Variants in AFF3 observed in about 807,000 individuals in gnomAD.
AFF3 encodes the protein AF4/FMR2 family member 3.
A neutral mutation model predicts 129.7 loss-of-function variants in AFF3; 32 were observed. That is an observed-to-expected ratio of 0.25 (90% CI 0.19 to 0.33). The LOEUF (loss-of-function observed/expected upper bound fraction) is 0.33, where lower values mean the gene tolerates loss of function less well. Among genes scored for constraint, AFF3 ranks in the 10% least tolerant of loss-of-function variants. The pLI, the probability that AFF3 is intolerant of heterozygous loss-of-function variation, is 1.00. For synonymous variants in AFF3, 644 were observed against 635.4 expected (o/e 1.01, Z -0.20); for missense variants, 1,373 against 1,592.0 (o/e 0.86, Z 2.34).
At chr2:100,111,117 A>G (rs1327635345) in intron 2 of AFF3, among the ~76,000 whole-genome samples, 1 of 152,144 alleles carries the variant, frequency 6.6e-6, no homozygotes, top group Non-Finnish European at 1.5e-5. Flanking sequence ...ATATAACCCT[A>G]CCATCTTTGG....
At chr2:99,732,868 T>C (rs1679945357) in intron 10 of AFF3, among the ~76,000 whole-genome samples, 1 of 149,402 alleles carries the variant, frequency 6.7e-6, no homozygotes, top group African/African-American at 2.5e-5. Context: ...ATCAAGGTTT[T>C]AAAGTTTTTT....
intron 7 of AFF3, among the ~76,000 whole-genome samples, chr2:99,957,170 C>T (rs943823637): frequency 1.4e-5 from 2 of 147,764 alleles, no homozygotes; most frequent in Admixed American, 6.6e-5. Flanking sequence ...TGTGCATGTA[C>T]GTGTGTGTGT....
At chr2:99,893,487 G>A (rs560158005) in intron 7 of AFF3, among the ~76,000 whole-genome samples, 10 of 152,300 alleles carry the variant, frequency 6.6e-5, no homozygotes, top group Admixed American at 1.3e-4. Context: ...TCAGGAAGGC[G>A]GAGCCCTTGT....
chr2:99,975,868 G>GAAAAAAA (rs5832890), intron 7 of AFF3, among the ~76,000 whole-genome samples: 4 of 74,272 alleles, frequency 5.4e-5, no homozygotes, highest in South Asian at 4.3e-4. Flanking sequence ...AGATTAAAAT[G>GAAAAAAA]AAAAAAAAAA....
At chr2:99,899,030 G>A (rs901413040) in intron 7 of AFF3, among the ~76,000 whole-genome samples, 2 of 152,116 alleles carry the variant, frequency 1.3e-5, no homozygotes, top group East Asian at 1.9e-4. Context: ...TGCAAATGCC[G>A]TATTTCTGCT....
chr2:99,684,941 C>CTTTTTTTT (rs70940184), intron 11 of AFF3, among the ~76,000 whole-genome samples: 1 of 138,852 alleles, frequency 7.2e-6, no homozygotes. Flanking sequence ...TTCTTTCTTT[C>CTTTTTTTT]TTTTTTTTTT....
intron 13 of AFF3, among the ~76,000 whole-genome samples, chr2:99,618,884 G>GCT (rs1172765501): frequency 7.6e-6 from 1 of 131,442 alleles, no homozygotes; most frequent in Non-Finnish European, 1.6e-5. Flanking sequence ...GCTACAGATA[G>GCT]CTCTGATCGA....
chr2:99,654,903 AC>A (rs1407445117), intron 12 of AFF3, among the ~76,000 whole-genome samples: 1 of 152,222 alleles, frequency 6.6e-6, no homozygotes, highest in African/African-American at 2.4e-5. Context: ...ATTACAAGTC[AC>A]ATTCTGTTAT....
intron 4 of AFF3, among the ~76,000 whole-genome samples, chr2:100,032,668 T>C (rs536231248): frequency 6.6e-6 from 1 of 152,308 alleles, no homozygotes; most frequent in Non-Finnish European, 1.5e-5. Context: ...GACCCACTAA[T>C]GGTTAAACAG....
intron 4 of AFF3, among the ~76,000 whole-genome samples, chr2:100,077,502 T>C (rs1688675162): frequency 6.6e-6 from 1 of 152,166 alleles, no homozygotes; most frequent in Non-Finnish European, 1.5e-5. Context: ...AACACCTTGA[T>C]GTTAGCCCAG....
At chr2:99,772,208 CG>C (rs1297739258) in intron 8 of AFF3, among the ~76,000 whole-genome samples, 3 of 152,060 alleles carry the variant, frequency 2.0e-5, no homozygotes, top group Non-Finnish European at 4.4e-5. Context: ...CGATGAGCCC[CG>C]GGCGAGGTGG....
intron 2 of AFF3, among the ~76,000 whole-genome samples, chr2:100,124,463 A>T (rs1692102997): frequency 6.6e-6 from 1 of 152,246 alleles, no homozygotes; most frequent in South Asian, 2.1e-4. Context: ...AGAAAGAAAG[A>T]TCTCAGAAAG....
At chr2:100,077,638 C>T (rs1225455469) in intron 4 of AFF3, among the ~76,000 whole-genome samples, 1 of 152,192 alleles carries the variant, frequency 6.6e-6, no homozygotes, top group African/African-American at 2.4e-5. Flanking sequence ...GTTACTTCCT[C>T]CTTCCTGATC....
At chr2:100,106,118 A>C in intron 2 of AFF3, 2 of 1,259,892 alleles carry the variant, frequency 1.6e-6, no homozygotes, top group Non-Finnish European at 2.1e-6. Flanking sequence ...TTCCTATTTG[A>C]GATCGGATTT....
At chr2:99,688,940 C>T (rs1024139481) in intron 11 of AFF3, among the ~76,000 whole-genome samples, 1 of 152,186 alleles carries the variant, frequency 6.6e-6, no homozygotes, top group Non-Finnish European at 1.5e-5. Context: ...TCCACCTTGA[C>T]TGGCCTCAAA....
intron 4 of AFF3, among the ~76,000 whole-genome samples, chr2:100,024,523 G>A (rs946764438): frequency 6.6e-6 from 1 of 151,710 alleles, no homozygotes; most frequent in Non-Finnish European, 1.5e-5. Context: ...CAGGAGAATT[G>A]CCTGAACCCA....
intron 8 of AFF3, among the ~76,000 whole-genome samples, chr2:99,770,053 G>T (rs1441412569): frequency 6.6e-6 from 1 of 152,208 alleles, no homozygotes; most frequent in Non-Finnish European, 1.5e-5. Flanking sequence ...AAGCCAGCTG[G>T]GTTTGTGTCT....
At chr2:99,803,335 G>C (rs761480406) in intron 8 of AFF3, among the ~76,000 whole-genome samples, 9 of 152,188 alleles carry the variant, frequency 5.9e-5, no homozygotes, top group Non-Finnish European at 1.2e-4. Context: ...CTGTTTGGTA[G>C]TATTTCATTG....
At chr2:99,599,034 G>A (rs972875692) in intron 14 of AFF3, among the ~76,000 whole-genome samples, 1 of 152,000 alleles carries the variant, frequency 6.6e-6, no homozygotes, top group Admixed American at 6.6e-5. Context: ...GTGTAGGGAA[G>A]CCAGGAATCC....
Sources: allele counts gnomAD v4.1 joint callset (sites outside exome capture counted in the v4.1 genomes callset), GRCh38; gene constraint gnomAD v4.1.1; transcripts MANE v1.5; gene names NCBI Gene and HGNC (gene_info 2026-07-23, HGNC 2026-07-21).